NIPSNAP3B: variants seen among roughly 807,000 people sequenced by gnomAD.
NIPSNAP3B encodes the protein nipsnap homolog 3B, also known as protein NipSnap homolog 3B.
NIPSNAP3B carries 30 observed loss-of-function variants against 31.5 expected under a neutral mutation model. The observed-to-expected ratio is 0.95, with a 90% CI of 0.71 to 1.29. NIPSNAP3B has a LOEUF of 1.29. Among genes scored for constraint, NIPSNAP3B ranks in the 50% most tolerant of loss-of-function variants. NIPSNAP3B has a pLI of 0.00. For missense variants in NIPSNAP3B, 269 were observed against 300.7 expected (o/e 0.89, Z 0.78); for synonymous variants, 106 against 107.9 (o/e 0.98, Z 0.11).
chr9:104,783,794 A>G, the NIPSNAP3B span: 1 of 164,608 alleles, frequency 6.1e-6, no homozygotes, highest in African/African-American at 2.4e-5. Flanking sequence ...ATGGTGCTTC[A>G]AACTTTCTGA....
chr9:104,788,717 C>T, the NIPSNAP3B span: 6 of 1,049,562 alleles, frequency 5.7e-6, no homozygotes. Flanking sequence ...TTTCTGCCCC[C>T]AGGATGCTAG....
downstream of NIPSNAP3B, among the ~76,000 whole-genome samples, chr9:104,778,676 G>A (rs1273486962): frequency 1.3e-5 from 2 of 152,162 alleles, no homozygotes; most frequent in Non-Finnish European, 2.9e-5. Context: ...CTTACATGCA[G>A]TCTGTCAGCA....
chr9:104,772,208 GTT>G (rs56851362), intron 4 of NIPSNAP3B, among the ~76,000 whole-genome samples: 1 of 136,726 alleles, frequency 7.3e-6, no homozygotes, highest in Non-Finnish European at 1.6e-5. Context: ...TTTTTTTTTT[GTT>G]TTTTTTTTTG....
chr9:104,766,228 G>A, intron 1 of NIPSNAP3B, 97 bp from the exon 2 acceptor site: 2 of 872,710 alleles, frequency 2.3e-6, no homozygotes, highest in Non-Finnish European at 3.7e-6. Flanking sequence ...TGGATAATGA[G>A]TCTATGTGTG....
chr9:104,785,995 C>G, the NIPSNAP3B span, among the ~76,000 whole-genome samples: 2 of 152,182 alleles, frequency 1.3e-5, no homozygotes, highest in Non-Finnish European at 2.9e-5. Flanking sequence ...AGCTTGCGCT[C>G]TCACCAGTAC....
At chr9:104,765,555 A>G (rs942142715) in intron 1 of NIPSNAP3B, among the ~76,000 whole-genome samples, 2 of 152,246 alleles carry the variant, frequency 1.3e-5, no homozygotes, top group African/African-American at 2.4e-5. Flanking sequence ...ACTATTACAA[A>G]GGGTGGTTCT....
In NIPSNAP3B at chr9:104,768,953, T is replaced by C. The variant is rs759796231; in HGVS notation, c.362T>C (p.Ile121Thr). The change falls in exon 3 of 6, where the codon ATT becomes ACT. Residue 121 changes from isoleucine (I) to threonine (T), a missense_variant. By Grantham distance (89) the Ile-to-Thr change is moderately conservative. Transcript: ENST00000374762. ...TCTATCATTCCAAATTTGGCTCGCA[T>C]TGATAAACAAGAGACGGAAATTACT... ...EQSIIPNLAR[I>T]DKQETEITYL... 3 of 1,614,024 alleles carry C rather than the reference T, an allele frequency of 1.9e-6. No individual in the cohort carries two copies. Among genetic ancestry groups the C allele is most frequent in the Admixed American group, 1.7e-5 (1 of 60,018 alleles).
downstream of NIPSNAP3B, among the ~76,000 whole-genome samples, chr9:104,779,815 G>A (rs1828428767): frequency 1.3e-5 from 2 of 152,104 alleles, no homozygotes; most frequent in African/African-American, 4.8e-5. Context: ...GATCACCTTA[G>A]GTCAGGAGTT....
chr9:104,787,833 C>T, the NIPSNAP3B span: 1 of 1,613,318 alleles, frequency 6.2e-7, no homozygotes, highest in South Asian at 1.1e-5. Flanking sequence ...GCCAATCATA[C>T]AACAGCCCTG....
Position 104,766,343 on chromosome 9 carries a change from A to G in NIPSNAP3B, c.79A>G (p.Thr27Ala). 6.2e-7 allele frequency: 1 copy of G among 1,613,294 alleles called. No homozygotes were observed. Among genetic ancestry groups the G allele is most frequent in the African/African-American group, 1.3e-5 (1 of 74,998 alleles). Residue 27 changes from threonine to alanine, a missense_variant, in exon 2 of 6, where the codon ACG (threonine) becomes GCG (alanine). Physicochemically the swap from Thr to Ala is moderately conservative, Grantham distance 58. Coordinates refer to ENST00000374762, the MANE Select transcript of NIPSNAP3B (RefSeq NM_018376.4). ...LAPQVCSSFATGPRQYDGTFY... is the reference protein window; with the variant it reads ...LAPQVCSSFAAGPRQYDGTFY... Reference sequence around the variant, plus strand: ...CCTTCAGGTGTGTTCATCTTTTGCTACGGGCCCTAGACAATACGATGGAAC... The same window carrying G: ...CCTTCAGGTGTGTTCATCTTTTGCTGCGGGCCCTAGACAATACGATGGAAC...
rs1235627160 is a variant in NIPSNAP3B at position 104,766,332 on chromosome 9, C to T, written c.68C>T (p.Ser23Leu). 6.2e-7 allele frequency: 1 copy of T among 1,613,098 alleles called. No individual in the cohort carries two copies. Among genetic ancestry groups the T allele is most frequent in the East Asian group, 2.2e-5 (1 of 44,820 alleles). Residue 23 changes from serine (S) to leucine (L), a missense_variant, in exon 2 of 6, where the codon TCA (serine) becomes TTA (leucine). Ser to Leu is a moderately radical substitution (Grantham distance 145). Coordinates refer to ENST00000374762, the MANE Select transcript of NIPSNAP3B (RefSeq NM_018376.4). Reference protein sequence around the residue: ...ASRTLAPQVCSSFATGPRQYD... With the variant: ...ASRTLAPQVCLSFATGPRQYD... ...TTGTCTTACCTCCTTCAGGTGTGTT[C>T]ATCTTTTGCTACGGGCCCTAGACAA...
rs773856216 is a variant in NIPSNAP3B at position 104,766,537 on chromosome 9, TAA to T, written c.271+4_271+5del. On this transcript the variant is annotated splice_donor_region_variant and intron_variant, in intron 2 of 5. Coordinates refer to ENST00000374762, the MANE Select transcript of NIPSNAP3B (RefSeq NM_018376.4). ...AAGTGTTTCATATTTGGAAGTATGG[TAA>T]AGAGTCATCCAGTTTTAGTATTCAG... The T allele has an allele frequency of 3.1e-5, 50 of 1,610,468 alleles. No homozygotes were observed. Among genetic ancestry groups the T allele is most frequent in the Non-Finnish European group, 4.2e-5 (50 of 1,177,446 alleles).
chr9:104,764,616 T>C lies in NIPSNAP3B; in HGVS notation c.60+316T>C, dbSNP rs189138735. On this transcript the variant is annotated intron_variant, in intron 1 of 5. Coordinates refer to ENST00000374762, the MANE Select transcript of NIPSNAP3B (RefSeq NM_018376.4). Reference sequence around the variant, plus strand: ...GTGCAGTGGCGTAGTCTCGGCTCAGTGCAACCTCCGCCTCCCGGGTTCAAG... The same window carrying C: ...GTGCAGTGGCGTAGTCTCGGCTCAGCGCAACCTCCGCCTCCCGGGTTCAAG... 5.6e-3 allele frequency among the ~76,000 whole-genome samples: 857 copies of C among 152,334 alleles called. 10 individuals carry two copies. The highest frequency in any genetic ancestry group is 0.019 in the African/African-American group (810 of 41,582).
intron 1 of NIPSNAP3B, 131 bp from the exon 2 acceptor site, chr9:104,766,194 A>C (rs1828086145): frequency 4.5e-6 from 3 of 665,742 alleles, no homozygotes; most frequent in Admixed American, 2.8e-5. Flanking sequence ...GTGTATATGG[A>C]GAATTGACAA....
downstream of NIPSNAP3B, among the ~76,000 whole-genome samples, chr9:104,779,790 A>G (rs1385618420): frequency 6.6e-6 from 1 of 152,180 alleles, no homozygotes; most frequent in Non-Finnish European, 1.5e-5. Context: ...GCACTTTGGG[A>G]GCCCAAGGCA....
In NIPSNAP3B at chr9:104,776,441, G is replaced by T. The variant is rs1281404088; in HGVS notation, c.*3368G>T. Among the ~76,000 whole-genome samples the T allele has an allele frequency of 6.6e-6, 1 of 152,116 alleles. No individual in the cohort carries two copies. Among genetic ancestry groups the T allele is most frequent in the Non-Finnish European group, 1.5e-5 (1 of 68,024 alleles). The stretch of plus-strand genomic sequence containing the variant: ...TGAAGCCTTAATCTCAACATAGGAG[G>T]TTTGGCCTTTGTGAGTTAGTTTTAG... On this transcript the variant is annotated 3_prime_UTR_variant, in exon 6 of 6. Transcript: ENST00000374762.
the NIPSNAP3B span, among the ~76,000 whole-genome samples, chr9:104,784,654 T>C: frequency 6.6e-5 from 10 of 152,214 alleles, no homozygotes; most frequent in East Asian, 7.7e-4. Flanking sequence ...AGACTTTTTT[T>C]CCCCCCTTGA....
chr9:104,769,381 A>G lies in NIPSNAP3B; in HGVS notation c.430+360A>G, dbSNP rs147905769. Among the ~76,000 whole-genome samples, 620 of 147,998 alleles carry G rather than the reference A, an allele frequency of 4.2e-3. 4 individuals carry two copies. The highest frequency in any genetic ancestry group is 0.015 in the African/African-American group (599 of 39,586). ...AGGCAGGGGAATGGCGTGAACCCAG[A>G]AGGCGGAGCTTCCAGTGAGCCGAGA... On this transcript the variant is annotated intron_variant, in intron 3 of 5. Transcript: ENST00000374762.
In NIPSNAP3B at chr9:104,775,061, C is replaced by T. The variant is rs973929039; in HGVS notation, c.*1988C>T. Among the ~76,000 whole-genome samples the T allele has an allele frequency of 1.8e-4, 27 of 152,178 alleles. No individual in the cohort carries two copies. Among genetic ancestry groups the T allele is most frequent in the African/African-American group, 6.5e-4 (27 of 41,518 alleles). On this transcript the variant is annotated 3_prime_UTR_variant, in exon 6 of 6. Coordinates refer to ENST00000374762, the MANE Select transcript of NIPSNAP3B (RefSeq NM_018376.4). ...GAACCGCCCGTGCCCCAAGCAAAGA[C>T]AAACCCTCCACTTGAACACTCACTT...
Sources: gnomAD v4.1 joint callset for allele counts (sites outside exome capture counted in the v4.1 genomes callset) on GRCh38, gnomAD v4.1.1 for gene constraint, MANE v1.5 for transcripts, NCBI Gene and HGNC (gene_info 2026-07-23, HGNC 2026-07-21) for gene names.